Variants in ARHGAP21 observed in about 807,000 individuals in gnomAD.
The protein encoded by ARHGAP21 is Rho GTPase activating protein 21.
Under a neutral mutation model 164.6 loss-of-function variants are expected in ARHGAP21, and 38 were observed. That is an observed-to-expected ratio of 0.23 (90% CI 0.18 to 0.30). The LOEUF (loss-of-function observed/expected upper bound fraction) is 0.30. Ranked by LOEUF, ARHGAP21 falls within the 10% of genes least tolerant of loss-of-function variation. The pLI is 1.00. For missense variants in ARHGAP21, 1,822 were observed against 2,370.7 expected (o/e 0.77, Z 4.81); for synonymous variants, 766 against 857.9 (o/e 0.89, Z 1.87).
chr10:24,708,575 C>T (rs1407294518), intron 2 of ARHGAP21, among the ~76,000 whole-genome samples: 1 of 152,226 alleles, frequency 6.6e-6, no homozygotes, highest in African/African-American at 2.4e-5. Context: ...CATTCACCTG[C>T]TCCCACTCTG....
At chr10:24,589,204 C>A in intron 25 of ARHGAP21, 67 bp downstream of exon 25, 1 of 1,394,570 alleles carries the variant, frequency 7.2e-7, no homozygotes, top group Admixed American at 1.7e-5. Context: ...ATTTGTGTAT[C>A]AACCATAACA....
At chr10:24,719,620 A>C in intron 2 of ARHGAP21, among the ~76,000 whole-genome samples, 1 of 152,362 alleles carries the variant, frequency 6.6e-6, no homozygotes, top group Non-Finnish European at 1.5e-5. Context: ...TGTAGTATCC[A>C]AACACATTAT....
chr10:24,721,342 G>C (rs1401958174), intron 2 of ARHGAP21, among the ~76,000 whole-genome samples: 3 of 152,316 alleles, frequency 2.0e-5, no homozygotes, highest in African/African-American at 7.2e-5. Flanking sequence ...ACCTAAAGCA[G>C]AGATCTGCAG....
chr10:24,591,414 A>G (rs2076324825), intron 23 of ARHGAP21, 84 bp from the exon 24 acceptor site: 30 of 1,260,834 alleles, frequency 2.4e-5, no homozygotes, highest in Non-Finnish European at 3.3e-5. Flanking sequence ...TAAAAGACAC[A>G]TTACTAAGTA....
rs147894754 is a variant in ARHGAP21, at chr10:24,617,244, T to G, written c.2422+2229A>C. Among the ~76,000 whole-genome samples, 231 of 152,350 alleles carry G rather than the reference T, an allele frequency of 1.5e-3. 5 individuals are homozygous for G. In the East Asian group the frequency reaches 0.038, roughly 25 times the overall value. ...TAATAACATAATTGTTTTATTTCTA[T>G]ACTTCATAACTAGGAAGAAATATTA... On this transcript the variant is annotated intron_variant, in intron 9 of 25. Coordinates refer to ENST00000396432, the MANE Select transcript of ARHGAP21 (RefSeq NM_020824.4).
At chr10:24,713,429 G>GT (rs751605305) in intron 2 of ARHGAP21, among the ~76,000 whole-genome samples, 3 of 152,054 alleles carry the variant, frequency 2.0e-5, no homozygotes, top group Admixed American at 1.3e-4. Context: ...TAACTTCCCT[G>GT]TTTTTTTATT....
At position 24,584,467 on chromosome 10, in the gene ARHGAP21, G is replaced by A. The variant is rs577578179; in HGVS notation, c.5822C>T (p.Pro1941Leu). 6.2e-7 allele frequency: 1 copy of A among 1,613,872 alleles called. No homozygotes were observed. The highest frequency in any genetic ancestry group is 1.1e-5 in the South Asian group (1 of 91,078). The change falls in exon 26 of 26, where the codon CCT becomes CTT. Residue 1941 changes from proline (P) to leucine (L), a missense_variant. Coordinates refer to ENST00000396432, the MANE Select transcript of ARHGAP21 (RefSeq NM_020824.4). ...KNASSAANAQPHKLSETPGSK... is the reference protein window; with the variant it reads ...KNASSAANAQLHKLSETPGSK... ...GCCTGGGGTTTCAGACAGTTTATGA[G>A]GTTGGGCATTCGCTGCAGAACTAGC...
intron 24 of ARHGAP21, chr10:24,591,013 A>G (rs1280652129): frequency 8.2e-6 from 6 of 735,628 alleles, no homozygotes; most frequent in Non-Finnish European, 1.0e-5. Context: ...ATTCTGACAA[A>G]CATTACAACT....
intron 4 of ARHGAP21, among the ~76,000 whole-genome samples, chr10:24,666,744 T>C (rs909360148): frequency 6.6e-6 from 1 of 152,156 alleles, no homozygotes; most frequent in African/African-American, 2.4e-5. Context: ...GATATATTCC[T>C]CCACAAAAAC....
intron 3 of ARHGAP21, among the ~76,000 whole-genome samples, 154 bp downstream of exon 3, chr10:24,670,064 A>T (rs1481503788): frequency 6.6e-6 from 1 of 152,196 alleles, no homozygotes; most frequent in Non-Finnish European, 1.5e-5. Context: ...GAAAATACCT[A>T]AAAGGAGAAA....
At chr10:24,700,515 T>C (rs1040263030) in intron 2 of ARHGAP21, among the ~76,000 whole-genome samples, 2 of 152,216 alleles carry the variant, frequency 1.3e-5, no homozygotes, top group African/African-American at 4.8e-5. Flanking sequence ...GAATTAAAGA[T>C]GGTTTCGATT....
intron 4 of ARHGAP21, among the ~76,000 whole-genome samples, chr10:24,649,416 C>G (rs1837931206): frequency 6.6e-6 from 1 of 152,158 alleles, no homozygotes; most frequent in Non-Finnish European, 1.5e-5. Context: ...TATCAGGAGA[C>G]TCTCCCGCAC....
At chr10:24,614,328 A>G (rs2077386705) in intron 9 of ARHGAP21, among the ~76,000 whole-genome samples, 1 of 152,234 alleles carries the variant, frequency 6.6e-6, no homozygotes, top group Admixed American at 6.5e-5. Flanking sequence ...AATCCACTAA[A>G]GGGGTGGAAT....
chr10:24,721,720 G>C, intron 2 of ARHGAP21, 117 bp downstream of exon 2: 1 of 1,222,124 alleles, frequency 8.2e-7, no homozygotes, highest in Non-Finnish European at 1.2e-6. Context: ...CCCGCCAACA[G>C]GCTCAAAGCC....
chr10:24,660,643 T>C (rs1201635847), intron 4 of ARHGAP21, among the ~76,000 whole-genome samples: 1 of 152,186 alleles, frequency 6.6e-6, no homozygotes, highest in Non-Finnish European at 1.5e-5. Flanking sequence ...ACTCAATTTC[T>C]AATTATGTTT....
chr10:24,706,953 C>T (rs1315380017), intron 2 of ARHGAP21, among the ~76,000 whole-genome samples: 2 of 152,166 alleles, frequency 1.3e-5, no homozygotes, highest in African/African-American at 2.4e-5. Flanking sequence ...ATGCTGGCTC[C>T]GGTCCACAGC....
At chr10:24,599,928 T>TA (rs1170320790) in intron 14 of ARHGAP21, among the ~76,000 whole-genome samples, 3 of 151,998 alleles carry the variant, frequency 2.0e-5, no homozygotes, top group Non-Finnish European at 4.4e-5. Context: ...GGTCAGGAGA[T>TA]AGAGACCATC....
intron 9 of ARHGAP21, among the ~76,000 whole-genome samples, chr10:24,618,773 G>A (rs1008170880): frequency 6.6e-6 from 1 of 152,130 alleles, no homozygotes; most frequent in African/African-American, 2.4e-5. Flanking sequence ...TCAGATCACG[G>A]GAGGATTTTG....
chr10:24,676,736 G>A (rs567647363), intron 2 of ARHGAP21, among the ~76,000 whole-genome samples: 9 of 152,274 alleles, frequency 5.9e-5, no homozygotes, highest in Non-Finnish European at 1.3e-4. Flanking sequence ...GCTGAATCAG[G>A]CACTAACTCT....
Sources: gnomAD v4.1 joint callset for allele counts (sites outside exome capture counted in the v4.1 genomes callset) on GRCh38, gnomAD v4.1.1 for gene constraint, MANE v1.5 for transcripts, NCBI Gene and HGNC (gene_info 2026-07-23, HGNC 2026-07-21) for gene names.